SEC14L5: variants seen among roughly 807,000 people sequenced by gnomAD.
The protein encoded by SEC14L5 is SEC14-like protein 5.
SEC14L5 carries 96 observed loss-of-function variants against 84.6 expected under a neutral mutation model. The ratio of observed to expected loss-of-function variants is 1.13; its 90% CI spans 0.96 to 1.34. SEC14L5 has a LOEUF of 1.34. Ranked by LOEUF, SEC14L5 falls within the 40% of genes most tolerant of loss-of-function variation. SEC14L5 has a pLI of 0.00. For synonymous variants in SEC14L5, 546 were observed against 383.4 expected, an observed-to-expected ratio of 1.42 and a Z score of -4.95; for missense variants, 1,224 against 942.5, an observed-to-expected ratio of 1.30 and a Z score of -3.91.
rs1008299335 is a variant in SEC14L5 at position 5,014,328 on chromosome 16, C to T, written c.1980-531C>T. Among the ~76,000 whole-genome samples, 13 of 152,270 alleles carry T rather than the reference C, an allele frequency of 8.5e-5. No individual in the cohort carries two copies. The East Asian group carries it at 2.3e-3, about 27-fold the overall frequency. On this transcript the variant is annotated intron_variant, in intron 15 of 15. Coordinates refer to ENST00000251170, the MANE Select transcript of SEC14L5 (RefSeq NM_014692.2). ...CTTTGGGAGGCCGAGTCACGAGGAT[C>T]TCCTGATCCCAGGAGTTTGAGACCA...
chr16:5,008,803 C>G (rs1955766468), intron 14 of SEC14L5, among the ~76,000 whole-genome samples, 155 bp downstream of exon 14: 2 of 152,210 alleles, frequency 1.3e-5, no homozygotes, highest in South Asian at 4.1e-4. Flanking sequence ...CACACAGGGT[C>G]TCATGTAATG....
At chr16:5,009,342 A>G (rs1027279886) in intron 14 of SEC14L5, among the ~76,000 whole-genome samples, 5 of 151,944 alleles carry the variant, frequency 3.3e-5, no homozygotes, top group South Asian at 2.1e-4. Flanking sequence ...GTCTCACTCT[A>G]TCCATGATCA....
intron 15 of SEC14L5, among the ~76,000 whole-genome samples, chr16:5,012,012 C>A (rs1255746277): frequency 6.6e-6 from 1 of 152,194 alleles, no homozygotes; most frequent in East Asian, 1.9e-4. Flanking sequence ...GCTTTAAATT[C>A]TTTCCCGTGG....
intron 14 of SEC14L5, among the ~76,000 whole-genome samples, chr16:5,010,559 G>A (rs961947755): frequency 2.0e-5 from 3 of 152,124 alleles, no homozygotes; most frequent in African/African-American, 7.2e-5. Context: ...CGATCTCACC[G>A]AAGTTCCCGG....
chr16:4,997,743 G>A (rs1955627565), intron 8 of SEC14L5, among the ~76,000 whole-genome samples: 1 of 152,138 alleles, frequency 6.6e-6, no homozygotes, highest in Admixed American at 6.5e-5. Flanking sequence ...CCAGGGCCGT[G>A]CTCCCTCTGA....
At chr16:4,979,889 C>T (rs1340295519) in intron 2 of SEC14L5, among the ~76,000 whole-genome samples, 1 of 152,218 alleles carries the variant, frequency 6.6e-6, no homozygotes, top group Admixed American at 6.5e-5. Context: ...CCATCCTCAG[C>T]CCACCCCGAT....
chr16:4,978,095 C>T (rs1045350463), intron 2 of SEC14L5, among the ~76,000 whole-genome samples: 1 of 146,384 alleles, frequency 6.8e-6, no homozygotes, highest in Non-Finnish European at 1.5e-5. Flanking sequence ...AGCCACTGTG[C>T]ACAGCCTTTA....
intron 2 of SEC14L5, among the ~76,000 whole-genome samples, chr16:4,968,166 T>C (rs1211037016): frequency 6.6e-6 from 1 of 150,776 alleles, no homozygotes; most frequent in African/African-American, 2.4e-5. Context: ...ACCACAGGTG[T>C]TCACCACCAC....
intron 2 of SEC14L5, among the ~76,000 whole-genome samples, chr16:4,970,774 A>T (rs1048760487): frequency 6.6e-6 from 1 of 152,116 alleles, no homozygotes; most frequent in Non-Finnish European, 1.5e-5. Context: ...ACGGCTTCCC[A>T]GCCCAAAAGT....
At chr16:5,000,207 C>A (rs1955659604) in intron 8 of SEC14L5, among the ~76,000 whole-genome samples, 1 of 151,970 alleles carries the variant, frequency 6.6e-6, no homozygotes, top group African/African-American at 2.4e-5. Context: ...AGGAAAATTG[C>A]TTGAACCTGG....
chr16:4,962,795 T>A (rs1383227913), intron 2 of SEC14L5, among the ~76,000 whole-genome samples: 1 of 151,826 alleles, frequency 6.6e-6, no homozygotes, highest in Admixed American at 6.6e-5. Flanking sequence ...TTCCATACAG[T>A]CCTTGTCTGT....
At chr16:5,010,472 G>A (rs1234906750) in intron 14 of SEC14L5, among the ~76,000 whole-genome samples, 1 of 152,138 alleles carries the variant, frequency 6.6e-6, no homozygotes, top group African/African-American at 2.4e-5. Flanking sequence ...CATTGCAGGT[G>A]GAATGTCACT....
Position 5,011,167 on chromosome 16 carries a change from G to A in SEC14L5, c.1873G>A (p.Ala625Thr), listed in dbSNP as rs757729589. 6.2e-7 allele frequency: 1 copy of A among 1,613,394 alleles called. No individual in the cohort carries two copies. The highest frequency in any genetic ancestry group is 1.1e-5 in the South Asian group (1 of 90,988). Residue 625 changes from alanine (A) to threonine (T), a missense_variant, in exon 15 of 16, where the codon GCC becomes ACC. Transcript: ENST00000251170. Reference sequence around the variant, plus strand: ...AATGCACAGCCCCCCCAGCAGCGTGGCCTGCAGCCTCCCGGGTGTGGACGA... The same window carrying A: ...AATGCACAGCCCCCCCAGCAGCGTGACCTGCAGCCTCCCGGGTGTGGACGA... The part of the protein sequence containing the change: ...WQMHSPPSSV[A>T]CSLPGVDDVL...
rs1354537507 is a variant in SEC14L5, at chr16:5,008,707, G to C, written c.1800+59G>C. 3.4e-6 allele frequency: 5 copies of C among 1,460,936 alleles called. No individual in the cohort carries two copies. In the Admixed American group the frequency reaches 9.6e-5, roughly 28 times the overall value. 90.5% of individuals were successfully genotyped at this position (1,460,936 alleles called of 1,614,324 possible). On this transcript the variant is annotated intron_variant, in intron 14 of 15. Coordinates refer to ENST00000251170, the MANE Select transcript of SEC14L5 (RefSeq NM_014692.2). Reference sequence around the variant, plus strand: ...AAGCAGCACTGAGTGTCCACTGCGTGCCAGGCTTCTGGGGATACAGCGGAG... The same window carrying C: ...AAGCAGCACTGAGTGTCCACTGCGTCCCAGGCTTCTGGGGATACAGCGGAG...
intron 2 of SEC14L5, among the ~76,000 whole-genome samples, chr16:4,968,261 C>T (rs1349006894): frequency 2.6e-5 from 4 of 151,848 alleles, no homozygotes; most frequent in African/African-American, 9.7e-5. Context: ...CTCACTGAAA[C>T]CTCTGCCTCC....
intron 2 of SEC14L5, among the ~76,000 whole-genome samples, chr16:4,967,452 A>G (rs1955214785): frequency 6.7e-6 from 1 of 149,502 alleles, no homozygotes; most frequent in African/African-American, 2.5e-5. Flanking sequence ...CAACATATCT[A>G]TTTTAGGGGT....
At chr16:5,004,186 G>A (rs1396605321) in intron 11 of SEC14L5, among the ~76,000 whole-genome samples, 1 of 152,220 alleles carries the variant, frequency 6.6e-6, no homozygotes, top group Non-Finnish European at 1.5e-5. Flanking sequence ...AGGGGCAATA[G>A]GGACCCATGG....
chr16:5,009,610 C>T, intron 14 of SEC14L5, among the ~76,000 whole-genome samples: 1 of 152,178 alleles, frequency 6.6e-6, no homozygotes, highest in Non-Finnish European at 1.5e-5. Context: ...AGGCGTGAGC[C>T]ACCATGGCTG....
At chr16:4,995,398 C>T (rs1346016556) in intron 6 of SEC14L5, among the ~76,000 whole-genome samples, 1 of 152,154 alleles carries the variant, frequency 6.6e-6, no homozygotes, top group African/African-American at 2.4e-5. Context: ...TGGGAATGTT[C>T]CCTGTGGTTC....
Sources: gnomAD v4.1 joint callset for allele counts (sites outside exome capture counted in the v4.1 genomes callset) on GRCh38, gnomAD v4.1.1 for gene constraint, MANE v1.5 for transcripts, NCBI Gene and HGNC (gene_info 2026-07-23, HGNC 2026-07-21) for gene names.